Variants in CDC42BPA observed in about 807,000 individuals in gnomAD.
CDC42BPA encodes the protein serine/threonine-protein kinase MRCK alpha.
CDC42BPA carries 80 observed loss-of-function variants against 223.5 expected under a neutral mutation model. The observed-to-expected ratio is 0.36, with a 90% confidence interval of 0.30 to 0.43. The LOEUF is 0.43. CDC42BPA is among the 20% of genes least tolerant of loss of function. CDC42BPA has a pLI of 1.00. For synonymous variants in CDC42BPA, 694 were observed against 718.6 expected (o/e 0.97, Z 0.55); for missense variants, 1,743 against 2,099.9 (o/e 0.83, Z 3.32).
chr1:227,239,701 T>C (rs1679693651), intron 2 of CDC42BPA, among the ~76,000 whole-genome samples: 1 of 152,142 alleles, frequency 6.6e-6, no homozygotes, highest in Non-Finnish European at 1.5e-5. Flanking sequence ...ATTCAGCACC[T>C]ATCAATAACT....
At chr1:227,287,115 C>T (rs1340212093) in intron 1 of CDC42BPA, among the ~76,000 whole-genome samples, 1 of 152,194 alleles carries the variant, frequency 6.6e-6, no homozygotes, top group Non-Finnish European at 1.5e-5. Flanking sequence ...CAAACTACAT[C>T]AATGCTTGCT....
chr1:227,265,333 TA>T, intron 1 of CDC42BPA: 1 of 377,688 alleles, frequency 2.6e-6, no homozygotes, highest in Non-Finnish European at 5.0e-6. Flanking sequence ...CTATACCTCA[TA>T]ACCCTCACAG....
chr1:227,290,241 T>C (rs1053697023), intron 1 of CDC42BPA, among the ~76,000 whole-genome samples: 1 of 152,148 alleles, frequency 6.6e-6, no homozygotes, highest in African/African-American at 2.4e-5. Context: ...CTTTTCTCTG[T>C]TTCACAAAAC....
At chr1:227,070,693 A>G (rs1471500081) in intron 20 of CDC42BPA, among the ~76,000 whole-genome samples, 1 of 151,874 alleles carries the variant, frequency 6.6e-6, no homozygotes, top group African/African-American at 2.4e-5. Flanking sequence ...TAGTAAATGA[A>G]GCATTAAAAA....
At chr1:227,206,093 T>G (rs566061203) in intron 3 of CDC42BPA, among the ~76,000 whole-genome samples, 2 of 152,326 alleles carry the variant, frequency 1.3e-5, no homozygotes, top group East Asian at 3.9e-4. Context: ...GGTTTAACTC[T>G]CAAGACAGTG....
intron 5 of CDC42BPA, among the ~76,000 whole-genome samples, chr1:227,187,455 T>C (rs1261475770): frequency 2.2e-5 from 3 of 136,914 alleles, no homozygotes; most frequent in Non-Finnish European, 3.1e-5. Context: ...AATAGAAACT[T>C]CAAAATGAAA....
chr1:227,098,142 C>T (rs1483276549), intron 15 of CDC42BPA, among the ~76,000 whole-genome samples: 2 of 152,154 alleles, frequency 1.3e-5, no homozygotes, highest in Non-Finnish European at 2.9e-5. Context: ...GCGCTGCTAA[C>T]ACAAGGACAC....
chr1:227,230,573 T>C (rs1290705674), intron 2 of CDC42BPA, among the ~76,000 whole-genome samples: 3 of 152,174 alleles, frequency 2.0e-5, no homozygotes, highest in Non-Finnish European at 1.5e-5. Flanking sequence ...AGAGACATGA[T>C]TGTTTTTGCT....
chr1:227,120,473 A>C (rs1274851567), intron 11 of CDC42BPA, among the ~76,000 whole-genome samples: 1 of 152,190 alleles, frequency 6.6e-6, no homozygotes, highest in Non-Finnish European at 1.5e-5. Context: ...AGATGAAGAA[A>C]CTCAGGGAGT....
chr1:227,255,653 C>G (rs1682917988), intron 1 of CDC42BPA, among the ~76,000 whole-genome samples: 1 of 152,210 alleles, frequency 6.6e-6, no homozygotes, highest in South Asian at 2.1e-4. Flanking sequence ...GATCCTGTCT[C>G]TTAAAAAGCA....
At chr1:227,163,030 A>ATGGG (rs1491526484) in intron 5 of CDC42BPA, among the ~76,000 whole-genome samples, 6 of 23,846 alleles carry the variant, frequency 2.5e-4, no homozygotes, top group African/African-American at 1.2e-3. Context: ...GTTTCCAAAC[A>ATGGG]TATGTGTTTC....
chr1:227,295,721 C>T (rs2148688828), intron 1 of CDC42BPA, among the ~76,000 whole-genome samples: 2 of 152,340 alleles, frequency 1.3e-5, no homozygotes, highest in Middle Eastern at 6.8e-3. Flanking sequence ...AGGATGCTTC[C>T]AGCTCACTGC....
In CDC42BPA at chr1:227,065,028, C is replaced by T. The variant is rs575877471; in HGVS notation, c.2904+4749G>A. On this transcript the variant is annotated intron_variant, in intron 21 of 36. Coordinates refer to ENST00000366766, the MANE Select transcript of CDC42BPA (RefSeq NM_001394014.1). Reference sequence around the variant, plus strand: ...AGGAGAATGGCGTGAACCCGGGAGGCGGAGCTTGCAGTGAGCTGAGATCGC... The same window carrying T: ...AGGAGAATGGCGTGAACCCGGGAGGTGGAGCTTGCAGTGAGCTGAGATCGC... Among the ~76,000 whole-genome samples the T allele has an allele frequency of 5.1e-4, 78 of 152,028 alleles. 1 individual carries two copies. Among genetic ancestry groups the T allele is most frequent in the African/African-American group, 1.6e-3 (67 of 41,456 alleles).
intron 1 of CDC42BPA, among the ~76,000 whole-genome samples, chr1:227,273,349 T>C (rs1489302185): frequency 6.6e-6 from 1 of 150,992 alleles, no homozygotes; most frequent in Non-Finnish European, 1.5e-5. Flanking sequence ...GCAGATCACC[T>C]GAGGATTGGG....
chr1:227,305,491 T>C (rs959300637), intron 1 of CDC42BPA, among the ~76,000 whole-genome samples: 2 of 152,258 alleles, frequency 1.3e-5, no homozygotes, highest in African/African-American at 4.8e-5. Flanking sequence ...TTTCTTGCTG[T>C]CAGAGAAGTC....
chr1:227,220,493 T>A (rs1353550028), intron 2 of CDC42BPA, among the ~76,000 whole-genome samples: 1 of 151,754 alleles, frequency 6.6e-6, no homozygotes. Context: ...AGTCCTAACA[T>A]TAATTCTATC....
At chr1:227,160,729 AT>A in intron 5 of CDC42BPA, 93 bp from the exon 6 acceptor site, 5 of 683,288 alleles carry the variant, frequency 7.3e-6, no homozygotes, top group Non-Finnish European at 1.3e-5. Flanking sequence ...ATCTCAACTT[AT>A]TTTAAAAGTA....
rs1685001218 is a variant in CDC42BPA at position 227,101,237 on chromosome 1, T to C, written c.2004A>G (p.Gln668=). The change falls in exon 15 of 37, where the codon CAA becomes CAG. Residue 668 remains glutamine (Q), a splice_region_variant and synonymous_variant. Coordinates refer to ENST00000366766, the MANE Select transcript of CDC42BPA (RefSeq NM_001394014.1). The part of the protein sequence containing the change: ...QLENELEGLK[Q]KQISYSPGVC... Reference sequence around the variant, plus strand: ...CTCCTGGTGAGTAACTAATTTGTTTTTGCTATAGAAATAATAACAAAAGAT... The same window carrying C: ...CTCCTGGTGAGTAACTAATTTGTTTCTGCTATAGAAATAATAACAAAAGAT... 6.6e-7 allele frequency: 1 copy of C among 1,526,322 alleles called. No individual in the cohort carries two copies. Among genetic ancestry groups the C allele is most frequent in the Non-Finnish European group, 8.8e-7 (1 of 1,134,150 alleles). 94.5% of individuals were successfully genotyped at this position (1,526,322 alleles called of 1,614,324 possible).
intron 5 of CDC42BPA, among the ~76,000 whole-genome samples, chr1:227,178,057 T>A (rs149050097): frequency 1.2e-3 from 184 of 152,312 alleles, no homozygotes; most frequent in African/African-American, 3.9e-3. Context: ...AAAACAAATG[T>A]GTTTTTCTTG....
Sources: gnomAD v4.1 joint callset for allele counts (sites outside exome capture counted in the v4.1 genomes callset) on GRCh38, gnomAD v4.1.1 for gene constraint, MANE v1.5 for transcripts, NCBI Gene and HGNC (gene_info 2026-07-23, HGNC 2026-07-21) for gene names.